CDH4: variants seen among roughly 807,000 people sequenced by gnomAD.
CDH4 encodes cadherin 4.
In CDH4, 33 loss-of-function variants were observed where a neutral mutation model predicts 86.0. The ratio of observed to expected loss-of-function variants is 0.38; its 90% confidence interval spans 0.29 to 0.51. The LOEUF (loss-of-function observed/expected upper bound fraction) is 0.51. Ranked by LOEUF, CDH4 falls within the 20% of genes least tolerant of loss-of-function variation. The pLI, the probability that CDH4 is intolerant of heterozygous loss-of-function variation, is 0.86. For synonymous variants in CDH4, 555 were observed against 549.4 expected (o/e 1.01, Z -0.14); for missense variants, 1,114 against 1,307.4 (o/e 0.85, Z 2.28).
intron 15 of CDH4, among the ~76,000 whole-genome samples, chr20:61,935,064 G>T (rs1168369241): frequency 1.3e-5 from 2 of 152,186 alleles, no homozygotes; most frequent in Admixed American, 6.5e-5. Flanking sequence ...GCGTCCTCCG[G>T]GCAGTGACTC....
chr20:61,768,310 C>T (rs2088726406), intron 3 of CDH4, among the ~76,000 whole-genome samples: 1 of 152,208 alleles, frequency 6.6e-6, no homozygotes, highest in Non-Finnish European at 1.5e-5. Context: ...TGTAGTCATA[C>T]ACCCATACAT....
At chr20:61,874,919 C>CT (rs1356649394) in intron 7 of CDH4, among the ~76,000 whole-genome samples, 1 of 152,236 alleles carries the variant, frequency 6.6e-6, no homozygotes, top group Non-Finnish European at 1.5e-5. Flanking sequence ...CTGGCAGCTC[C>CT]TCGGTCTTGC....
intron 2 of CDH4, among the ~76,000 whole-genome samples, chr20:61,599,353 G>A (rs1057300000): frequency 4.6e-5 from 7 of 152,216 alleles, no homozygotes; most frequent in African/African-American, 1.4e-4. Flanking sequence ...ACGCTGGATG[G>A]ATGTGCCTGA....
At chr20:61,726,760 G>A (rs566975875) in intron 2 of CDH4, among the ~76,000 whole-genome samples, 8 of 149,868 alleles carry the variant, frequency 5.3e-5, no homozygotes, top group East Asian at 2.0e-4. Flanking sequence ...CGTCACCATC[G>A]GAGGCATCAC....
chr20:61,474,121 C>T (rs895445427), intron 2 of CDH4, among the ~76,000 whole-genome samples: 2 of 145,900 alleles, frequency 1.4e-5, no homozygotes, highest in Non-Finnish European at 3.0e-5. Context: ...AACATCCACT[C>T]GATGAGGTAT....
At position 61,771,787 on chromosome 20, in the gene CDH4, C is replaced by T. The variant is rs1383768610; in HGVS notation, c.397-1216C>T. Reference sequence around the variant, plus strand: ...TCCAAGACATGAACACAGTGTAATGCGTTTAGAATTCACTGTCAGACATTC... The same window carrying T: ...TCCAAGACATGAACACAGTGTAATGTGTTTAGAATTCACTGTCAGACATTC... On this transcript the variant is annotated intron_variant, in intron 3 of 15. Coordinates refer to ENST00000614565, the MANE Select transcript of CDH4 (RefSeq NM_001794.5). Among the ~76,000 whole-genome samples, 6 of 152,114 alleles carry T rather than the reference C, an allele frequency of 3.9e-5. No individual in the cohort carries two copies. The East Asian group carries it at 7.7e-4, about 20-fold the overall frequency.
At chr20:61,704,082 C>T (rs1047178592) in intron 2 of CDH4, among the ~76,000 whole-genome samples, 1 of 151,978 alleles carries the variant, frequency 6.6e-6, no homozygotes, top group African/African-American at 2.4e-5. Context: ...AGCAGAATTC[C>T]CCGTCTTGGG....
chr20:61,926,788 A>G (rs1443211439), intron 11 of CDH4, among the ~76,000 whole-genome samples: 1 of 152,144 alleles, frequency 6.6e-6, no homozygotes, highest in Non-Finnish European at 1.5e-5. Context: ...CAGGAGAATC[A>G]CTTGAACCTG....
In CDH4 at chr20:61,405,529, T is replaced by TA. The variant is rs552762837; in HGVS notation, c.169+150593dup. On this transcript the variant is annotated intron_variant, in intron 2 of 15. Transcript: ENST00000614565. ...CAGCCCCAATCCCTGGTGTTCTTAC[T>TA]ATTAGACGAGTTGATATTCTCATGT... Among the ~76,000 whole-genome samples the TA allele has an allele frequency of 3.1e-4, 47 of 152,176 alleles. No individual in the cohort carries two copies. The South Asian group carries it at 9.8e-3, about 32-fold the overall frequency.
In CDH4 at chr20:61,554,116, A is replaced by G. The variant is rs181552538; in HGVS notation, c.170-189447A>G. On this transcript the variant is annotated intron_variant, in intron 2 of 15. Coordinates refer to ENST00000614565, the MANE Select transcript of CDH4 (RefSeq NM_001794.5). ...GGCCTGGCTCTACCTTCTGTTTCAGAAATCTTCTGTAGAGGGTTTCATTTG... is the reference window on the plus strand; with the variant it reads ...GGCCTGGCTCTACCTTCTGTTTCAGGAATCTTCTGTAGAGGGTTTCATTTG... 3.1e-3 allele frequency among the ~76,000 whole-genome samples: 474 copies of G among 152,290 alleles called. 4 individuals are homozygous for G. Among genetic ancestry groups the G allele is most frequent in the Admixed American group, 0.015 (231 of 15,306 alleles).
In CDH4 at chr20:61,628,584, C is replaced by T. The variant is rs554766329; in HGVS notation, c.170-114979C>T. 2.6e-5 allele frequency among the ~76,000 whole-genome samples: 4 copies of T among 152,364 alleles called. No homozygotes were observed. The South Asian group carries it at 6.2e-4, about 24-fold the overall frequency. On this transcript the variant is annotated intron_variant, in intron 2 of 15. Transcript: ENST00000614565. ...TGCCCTTCCTGCTACAGGAGAACGC[C>T]GTCCACCAGGCAGCAGGGCCTCCAG...
At chr20:61,299,910 G>A (rs954244708) in intron 2 of CDH4, among the ~76,000 whole-genome samples, 1 of 152,340 alleles carries the variant, frequency 6.6e-6, no homozygotes, top group African/African-American at 2.4e-5. Flanking sequence ...GCTTACAGGA[G>A]GTGTGTGGGG....
chr20:61,735,636 T>C (rs1310542749), intron 2 of CDH4, among the ~76,000 whole-genome samples: 1 of 152,148 alleles, frequency 6.6e-6, no homozygotes. Flanking sequence ...ATCTGCCCCC[T>C]CCGCTGGACC....
chr20:61,469,664 GTT>G (rs760283777), intron 2 of CDH4, among the ~76,000 whole-genome samples: 38 of 152,116 alleles, frequency 2.5e-4, no homozygotes, highest in Non-Finnish European at 2.5e-4. Context: ...TTTCCCCAAT[GTT>G]TTCTTTTAAT....
chr20:61,478,893 A>G (rs907919613), intron 2 of CDH4, among the ~76,000 whole-genome samples: 1 of 152,050 alleles, frequency 6.6e-6, no homozygotes, highest in African/African-American at 2.4e-5. Flanking sequence ...CTGGCCATGC[A>G]GGTTTGCCTG....
chr20:61,906,091 G>A lies in CDH4; in HGVS notation c.1189-4331G>A, dbSNP rs6061887. Among the ~76,000 whole-genome samples, 1,299 of 152,298 alleles carry A rather than the reference G, an allele frequency of 8.5e-3. 20 individuals are homozygous for A. The highest frequency in any genetic ancestry group is 0.029 in the African/African-American group (1,220 of 41,556). On this transcript the variant is annotated intron_variant, in intron 8 of 15. Transcript: ENST00000614565. ...CATGCCCAGGCCAGACGCAGGGGCCGCCAGAACTGACCCCTAATTGGCTGA... is the reference window on the plus strand; with the variant it reads ...CATGCCCAGGCCAGACGCAGGGGCCACCAGAACTGACCCCTAATTGGCTGA...
Position 61,908,720 on chromosome 20 carries a change from A to G in CDH4, c.1189-1702A>G, listed in dbSNP as rs547935179. On this transcript the variant is annotated intron_variant, in intron 8 of 15. Transcript: ENST00000614565. Reference sequence around the variant, plus strand: ...GAGTGTCAGCACAAGTCAGCTGGGGAGGGGCACTCCGGGAAGACTCTTTCT... The same window carrying G: ...GAGTGTCAGCACAAGTCAGCTGGGGGGGGGCACTCCGGGAAGACTCTTTCT... Among the ~76,000 whole-genome samples the G allele has an allele frequency of 3.6e-4, 55 of 152,138 alleles. 1 individual carries two copies. The highest frequency in any genetic ancestry group is 2.0e-3 in the Admixed American group (30 of 15,298).
chr20:61,870,221 C>T (rs1228477307), intron 6 of CDH4, among the ~76,000 whole-genome samples: 1 of 152,198 alleles, frequency 6.6e-6, no homozygotes, highest in Non-Finnish European at 1.5e-5. Flanking sequence ...GCGTGACTGG[C>T]CCGAGTTCCT....
intron 2 of CDH4, among the ~76,000 whole-genome samples, chr20:61,355,206 AT>A (rs1279055726): frequency 2.0e-5 from 3 of 152,232 alleles, no homozygotes; most frequent in Non-Finnish European, 4.4e-5. Flanking sequence ...GCCCTGGAGA[AT>A]TGAAGTCCTT....
Sources: gnomAD v4.1 joint callset for allele counts (sites outside exome capture counted in the v4.1 genomes callset) on GRCh38, gnomAD v4.1.1 for gene constraint, MANE v1.5 for transcripts, NCBI Gene and HGNC (gene_info 2026-07-23, HGNC 2026-07-21) for gene names.